Variants in UBE2H observed in about 807,000 individuals in gnomAD.
The protein encoded by UBE2H is ubiquitin-conjugating enzyme E2 H.
A neutral mutation model predicts 29.0 loss-of-function variants in UBE2H; 3 were observed. The observed-to-expected ratio is 0.10, with a 90% CI of 0.05 to 0.27. The LOEUF is 0.27. Ranked by LOEUF, UBE2H falls within the 10% of genes least tolerant of loss-of-function variation. The pLI is 1.00. For missense variants in UBE2H, 68 were observed against 228.2 expected (o/e 0.30, Z 4.52); for synonymous variants, 69 against 82.9 (o/e 0.83, Z 0.91).
intron 1 of UBE2H, among the ~76,000 whole-genome samples, chr7:129,919,371 C>G (rs1563046113): frequency 6.6e-6 from 1 of 152,008 alleles, no homozygotes; most frequent in African/African-American, 2.4e-5. Flanking sequence ...CTGTTAACAC[C>G]CTACTTAAAA....
chr7:129,916,938 G>A (rs1807055734), intron 1 of UBE2H, among the ~76,000 whole-genome samples: 1 of 151,854 alleles, frequency 6.6e-6, no homozygotes, highest in South Asian at 2.1e-4. Context: ...TCTGGAGGCT[G>A]AGGCAGGAGA....
In UBE2H at chr7:129,849,904, A is replaced by G. The variant is rs139612574; in HGVS notation, c.298+7607T>C. Among the ~76,000 whole-genome samples, 78 of 152,374 alleles carry G rather than the reference A, an allele frequency of 5.1e-4. 1 individual carries two copies. Among genetic ancestry groups the G allele is most frequent in the African/African-American group, 1.8e-3 (76 of 41,596 alleles). On this transcript the variant is annotated intron_variant, in intron 5 of 6. Coordinates refer to ENST00000355621, the MANE Select transcript of UBE2H (RefSeq NM_003344.4). The stretch of plus-strand genomic sequence containing the variant: ...AAAAGTCTAAGCTCAGCAGATTCAC[A>G]TATCTTCTCATATTAGCCCATGGGG...
intron 5 of UBE2H, among the ~76,000 whole-genome samples, chr7:129,846,162 T>A (rs1289793191): frequency 3.3e-5 from 5 of 152,178 alleles, no homozygotes; most frequent in Non-Finnish European, 7.4e-5. Flanking sequence ...TGGCTATTTA[T>A]GAACCAGTGA....
chr7:129,898,521 T>C (rs1806644059), intron 1 of UBE2H, among the ~76,000 whole-genome samples: 2 of 152,048 alleles, frequency 1.3e-5, no homozygotes, highest in South Asian at 4.1e-4. Context: ...AACTGAATAA[T>C]ATGAAAAAAA....
At chr7:129,941,355 G>C (rs1032208239) in intron 1 of UBE2H, among the ~76,000 whole-genome samples, 3 of 152,018 alleles carry the variant, frequency 2.0e-5, no homozygotes, top group Non-Finnish European at 4.4e-5. Flanking sequence ...GGTTGGTCTC[G>C]AACTCCCGAG....
chr7:129,928,595 TC>T (rs1365097422), intron 1 of UBE2H, among the ~76,000 whole-genome samples: 1 of 152,202 alleles, frequency 6.6e-6, no homozygotes, highest in African/African-American at 2.4e-5. Flanking sequence ...AAAGCGAGAC[TC>T]CGTCTCAAAA....
intron 1 of UBE2H, among the ~76,000 whole-genome samples, chr7:129,882,916 G>A (rs1373347818): frequency 6.6e-6 from 1 of 152,178 alleles, no homozygotes; most frequent in Non-Finnish European, 1.5e-5. Flanking sequence ...CACTTCCATA[G>A]TGTAAAAGAC....
In UBE2H at chr7:129,928,081, C is replaced by T. The variant is rs547196511; in HGVS notation, c.53+24422G>A. 2.1e-3 allele frequency among the ~76,000 whole-genome samples: 312 copies of T among 151,516 alleles called. 8 individuals are homozygous for T. The highest frequency in any genetic ancestry group is 0.015 in the Admixed American group (230 of 15,180). Reference sequence around the variant, plus strand: ...GGCTCAGTGGCTCACGCCTGTAATCCCAATACTTTGGGAGGCTGAGGCAGG... The same window carrying T: ...GGCTCAGTGGCTCACGCCTGTAATCTCAATACTTTGGGAGGCTGAGGCAGG... On this transcript the variant is annotated intron_variant, in intron 1 of 6. Transcript: ENST00000355621.
intron 6 of UBE2H, among the ~76,000 whole-genome samples, chr7:129,835,544 G>GT (rs1434186551): frequency 6.6e-6 from 1 of 152,152 alleles, no homozygotes; most frequent in Non-Finnish European, 1.5e-5. Flanking sequence ...TGCCTGTCAG[G>GT]TTTTTGAAGC....
intron 4 of UBE2H, 44 bp from the exon 5 acceptor site, chr7:129,857,607 G>C (rs1209443153): frequency 6.3e-7 from 1 of 1,591,260 alleles, no homozygotes; most frequent in Non-Finnish European, 8.6e-7. Context: ...AAATTAGAAA[G>C]TTAGTTGCAT....
intron 5 of UBE2H, among the ~76,000 whole-genome samples, chr7:129,852,466 CA>C (rs138503338): frequency 0.071 from 9,553 of 135,344 alleles, 357 homozygotes; most frequent in Middle Eastern, 0.1. Context: ...GACTCCGTCT[CA>C]AAAAAAAAAA....
At chr7:129,944,103 T>C (rs1807703563) in intron 1 of UBE2H, among the ~76,000 whole-genome samples, 1 of 150,354 alleles carries the variant, frequency 6.7e-6, no homozygotes, top group African/African-American at 2.4e-5. Context: ...ATGCCTGTAA[T>C]CCCAGCACTT....
At chr7:129,884,396 G>A (rs865876334) in intron 1 of UBE2H, among the ~76,000 whole-genome samples, 47 of 143,036 alleles carry the variant, frequency 3.3e-4, no homozygotes, top group Admixed American at 2.6e-3. Context: ...CAGCCTGGGC[G>A]ACAGAGCAAG....
At chr7:129,941,824 A>T (rs1807651506) in intron 1 of UBE2H, among the ~76,000 whole-genome samples, 1 of 152,174 alleles carries the variant, frequency 6.6e-6, no homozygotes, top group Admixed American at 6.6e-5. Flanking sequence ...CAACTATTAC[A>T]AATCAATGTC....
intron 1 of UBE2H, among the ~76,000 whole-genome samples, chr7:129,911,938 G>A (rs766610161): frequency 3.3e-5 from 5 of 152,056 alleles, no homozygotes; most frequent in Admixed American, 2.0e-4. Flanking sequence ...CCACCATACC[G>A]GGTCTATGAA....
chr7:129,932,530 C>T (rs1807428586), intron 1 of UBE2H, among the ~76,000 whole-genome samples: 2 of 151,856 alleles, frequency 1.3e-5, no homozygotes, highest in Admixed American at 1.3e-4. Context: ...CAAATGTTGA[C>T]ACCATTTCAT....
At chr7:129,925,977 T>A (rs1003696789) in intron 1 of UBE2H, among the ~76,000 whole-genome samples, 3 of 152,176 alleles carry the variant, frequency 2.0e-5, no homozygotes, top group Non-Finnish European at 4.4e-5. Flanking sequence ...AGTAAGCAAT[T>A]ACATGCTAAA....
chr7:129,927,960 C>T (rs1352522684), intron 1 of UBE2H, among the ~76,000 whole-genome samples: 3 of 148,098 alleles, frequency 2.0e-5, no homozygotes, highest in Non-Finnish European at 4.4e-5. Flanking sequence ...CTTTGGGAGG[C>T]GGGTCAGTTG....
At chr7:129,896,223 G>C (rs180802588) in intron 1 of UBE2H, among the ~76,000 whole-genome samples, 1 of 151,456 alleles carries the variant, frequency 6.6e-6, no homozygotes, top group East Asian at 2.0e-4. Context: ...TGTAATCCCA[G>C]CTACTCTAGA....
Sources: allele counts gnomAD v4.1 joint callset (sites outside exome capture counted in the v4.1 genomes callset), GRCh38; gene constraint gnomAD v4.1.1; transcripts MANE v1.5; gene names NCBI Gene and HGNC (gene_info 2026-07-23, HGNC 2026-07-21).